The following NEK7 variants were observed in gnomAD, a reference collection of about 807,000 sequenced individuals.
NEK7 encodes NIMA related kinase 7.
In NEK7, 18 loss-of-function variants were observed where a neutral mutation model predicts 44.6. The ratio of observed to expected loss-of-function variants is 0.40; its 90% confidence interval spans 0.28 to 0.60. The LOEUF is 0.60. NEK7 is among the 20% of genes least tolerant of loss of function. The pLI is 0.38. For missense variants in NEK7, 256 were observed against 366.5 expected (o/e 0.70, Z 2.46); for synonymous variants, 130 against 121.1 (o/e 1.07, Z -0.48).
At chr1:198,177,148 T>G (rs1026477138) in intron 1 of NEK7, among the ~76,000 whole-genome samples, 1 of 152,130 alleles carries the variant, frequency 6.6e-6, no homozygotes, top group African/African-American at 2.4e-5. Context: ...ATAAAATAAT[T>G]TCCTTATTAT....
chr1:198,238,200 C>T (rs80238708), intron 2 of NEK7, among the ~76,000 whole-genome samples: 2 of 152,218 alleles, frequency 1.3e-5, no homozygotes, highest in East Asian at 1.9e-4. Context: ...ACTTCTCCCC[C>T]CCAGGACACT....
At chr1:198,308,068 C>T (rs1181037106) in intron 9 of NEK7, among the ~76,000 whole-genome samples, 1 of 151,958 alleles carries the variant, frequency 6.6e-6, no homozygotes, top group Non-Finnish European at 1.5e-5. Context: ...TGGGAGATTA[C>T]AGTGCTTTAA....
At chr1:198,305,011 A>G (rs1051100668) in intron 9 of NEK7, among the ~76,000 whole-genome samples, 1 of 152,168 alleles carries the variant, frequency 6.6e-6, no homozygotes, top group African/African-American at 2.4e-5. Context: ...AACATATAAA[A>G]CAATTTTTAT....
chr1:198,264,133 C>A lies in NEK7; in HGVS notation c.270C>A (p.Asn90Lys), dbSNP rs1254667817. The change falls in exon 5 of 10, where the codon AAC (asparagine) becomes AAA (lysine). Residue 90 changes from asparagine to lysine, a missense_variant. Asn to Lys is a moderately conservative substitution (Grantham distance 94, BLOSUM62 0). Around this residue, in one of 3 missense-constraint regions of NEK7, gnomAD observed 102 missense variants for 205.2 expected, o/e 0.50. Coordinates refer to ENST00000367385, the MANE Select transcript of NEK7 (RefSeq NM_133494.3). ...IKEIDLLKQL[N>K]HPNVIKYYAS... ...CTGTTTTATTTTCTCAGCAACTCAA[C>A]CATCCAAATGTAATAAAATATTATG... 6.3e-7 allele frequency: 1 copy of A among 1,584,000 alleles called. No individual in the cohort carries two copies. The highest frequency in any genetic ancestry group is 8.6e-7 in the Non-Finnish European group (1 of 1,168,968).
At chr1:198,296,170 C>T (rs1654710773) in intron 8 of NEK7, among the ~76,000 whole-genome samples, 1 of 152,138 alleles carries the variant, frequency 6.6e-6, no homozygotes, top group Non-Finnish European at 1.5e-5. Flanking sequence ...GTTTCACACA[C>T]ACTCTGCCTG....
intron 1 of NEK7, among the ~76,000 whole-genome samples, chr1:198,197,473 T>C (rs1665276311): frequency 6.6e-6 from 1 of 152,258 alleles, no homozygotes; most frequent in African/African-American, 2.4e-5. Context: ...ATTACATATT[T>C]AAGTGTACAG....
intron 9 of NEK7, among the ~76,000 whole-genome samples, chr1:198,318,495 T>C (rs1340179975): frequency 6.6e-6 from 1 of 152,220 alleles, no homozygotes; most frequent in Non-Finnish European, 1.5e-5. Flanking sequence ...GAAATTGTGC[T>C]AATTTAAAAA....
intron 1 of NEK7, among the ~76,000 whole-genome samples, chr1:198,204,974 A>G (rs550912706): frequency 2.0e-4 from 31 of 152,212 alleles, no homozygotes; most frequent in African/African-American, 5.3e-4. Context: ...AATAACAACA[A>G]TATTAACAAC....
At chr1:198,177,278 T>C (rs1664629697) in intron 1 of NEK7, among the ~76,000 whole-genome samples, 1 of 152,130 alleles carries the variant, frequency 6.6e-6, no homozygotes, top group Admixed American at 6.5e-5. Flanking sequence ...ATTACTGTTC[T>C]TCAGCCAAGA....
intron 1 of NEK7, among the ~76,000 whole-genome samples, chr1:198,186,362 G>A (rs573175999): frequency 1.2e-4 from 19 of 152,236 alleles, no homozygotes; most frequent in African/African-American, 4.6e-4. Flanking sequence ...AAGTTTCAAA[G>A]GCCAGGATAT....
At chr1:198,211,874 C>T (rs921993731) in intron 1 of NEK7, among the ~76,000 whole-genome samples, 36 of 152,160 alleles carry the variant, frequency 2.4e-4, no homozygotes, top group African/African-American at 7.7e-4. Flanking sequence ...TTTTGAAAGA[C>T]GCAGTGGACA....
chr1:198,238,400 T>TA (rs1319160826), intron 2 of NEK7, among the ~76,000 whole-genome samples: 3 of 152,152 alleles, frequency 2.0e-5, no homozygotes, highest in Non-Finnish European at 2.9e-5. Context: ...TCCATTCAAC[T>TA]AAAGGACTTA....
intron 1 of NEK7, chr1:198,198,058 A>T (rs1001972761): frequency 4.9e-6 from 7 of 1,438,440 alleles, no homozygotes; most frequent in Non-Finnish European, 6.4e-6. Context: ...GCCCTGGGAG[A>T]GGAAGAAAGG....
chr1:198,310,798 A>G (rs1571621945), intron 9 of NEK7, among the ~76,000 whole-genome samples: 1 of 151,986 alleles, frequency 6.6e-6, no homozygotes. Flanking sequence ...ATTGATCTAT[A>G]TCTCTGTTTT....
intron 1 of NEK7, among the ~76,000 whole-genome samples, chr1:198,163,293 G>T (rs1664163643): frequency 6.6e-6 from 1 of 152,016 alleles, no homozygotes; most frequent in Non-Finnish European, 1.5e-5. Flanking sequence ...TGGAGTTCAA[G>T]ACCAGCCTGA....
At chr1:198,171,548 G>T (rs1010454351) in intron 1 of NEK7, among the ~76,000 whole-genome samples, 15 of 151,976 alleles carry the variant, frequency 9.9e-5, no homozygotes, top group African/African-American at 3.1e-4. Context: ...GCATGGTGGC[G>T]CACTCCTGTA....
At chr1:198,197,715 G>T (rs188550818) in intron 1 of NEK7, 4 of 535,330 alleles carry the variant, frequency 7.5e-6, no homozygotes, top group Admixed American at 6.9e-5. Flanking sequence ...GTACAATATG[G>T]CATCTGAAGT....
At chr1:198,318,711 G>A (rs1226968514) in intron 9 of NEK7, among the ~76,000 whole-genome samples, 4 of 152,050 alleles carry the variant, frequency 2.6e-5, no homozygotes, top group African/African-American at 7.2e-5. Flanking sequence ...TCTTCTACCC[G>A]ATGGATCGAG....
chr1:198,285,490 A>G (rs907264050), intron 7 of NEK7, among the ~76,000 whole-genome samples: 5 of 152,172 alleles, frequency 3.3e-5, no homozygotes, highest in South Asian at 2.1e-4. Context: ...ACGTCCCTTC[A>G]TGTGGTGACT....
Sources: allele counts gnomAD v4.1 joint callset (sites outside exome capture counted in the v4.1 genomes callset), GRCh38; gene constraint gnomAD v4.1.1; regional missense constraint gnomAD v4.1.1; transcripts MANE v1.5; gene names NCBI Gene and HGNC (gene_info 2026-07-23, HGNC 2026-07-21).